Variants in CDC7 observed in about 807,000 individuals in gnomAD.
CDC7 encodes cell division cycle 7-related protein kinase.
In CDC7, 34 loss-of-function variants were observed where a neutral mutation model predicts 53.5. That is an observed-to-expected ratio of 0.64 (90% CI 0.48 to 0.85). The LOEUF is 0.85. Ranked by LOEUF, CDC7 falls within the 40% of genes least tolerant of loss-of-function variation. The probability of loss-of-function intolerance (pLI) is 0.00; values close to 1 mark genes in which losing one functional copy is unlikely to be tolerated. For missense variants in CDC7, 594 were observed against 679.7 expected, an observed-to-expected ratio of 0.87 and a Z score of 1.40; for synonymous variants, 211 against 222.8, an observed-to-expected ratio of 0.95 and a Z score of 0.47.
intron 2 of CDC7, among the ~76,000 whole-genome samples, chr1:91,507,293 T>G (rs1270677120): frequency 1.3e-5 from 2 of 152,212 alleles, no homozygotes; most frequent in Non-Finnish European, 2.9e-5. Flanking sequence ...GAACTGATAC[T>G]TATTTAAAAG....
At chr1:91,506,584 G>A (rs1011328037) in intron 2 of CDC7, among the ~76,000 whole-genome samples, 6 of 152,222 alleles carry the variant, frequency 3.9e-5, no homozygotes, top group African/African-American at 1.2e-4. Flanking sequence ...AGCTCTTAGT[G>A]GCTGCATCAA....
chr1:91,513,291 A>G lies in CDC7; in HGVS notation c.806A>G (p.Gln269Arg). 6.2e-7 allele frequency: 1 copy of G among 1,613,098 alleles called. No homozygotes were observed. The highest frequency in any genetic ancestry group is 1.7e-5 in the Admixed American group (1 of 59,910). ...PYTNAQIQIKQGKDGKEGSVG... is the reference protein window; with the variant it reads ...PYTNAQIQIKRGKDGKEGSVG... Reference sequence around the variant, plus strand: ...ACAAATGCACAAATTCAGATTAAACAAGGAAAAGACGGAAAGGTTCTATCT... The same window carrying G: ...ACAAATGCACAAATTCAGATTAAACGAGGAAAAGACGGAAAGGTTCTATCT... The change falls in exon 7 of 12, where the codon CAA (glutamine) becomes CGA (arginine). Residue 269 changes from glutamine (Q) to arginine (R), a missense_variant. Coordinates refer to ENST00000234626, the MANE Select transcript of CDC7 (RefSeq NM_003503.4).
chr1:91,512,742 A>G (rs1557593211), intron 6 of CDC7, among the ~76,000 whole-genome samples: 1 of 152,108 alleles, frequency 6.6e-6, no homozygotes, highest in Non-Finnish European at 1.5e-5. Context: ...ATTATCTGCT[A>G]TGATGCCATC....
intron 3 of CDC7, 68 bp downstream of exon 3, chr1:91,508,005 C>A: frequency 1.5e-6 from 2 of 1,298,698 alleles, no homozygotes; most frequent in Non-Finnish European, 2.1e-6. Context: ...CTTTTTTAGT[C>A]TTGGTTTTCA....
At chr1:91,509,371 C>CAA (rs200506949) in intron 4 of CDC7, among the ~76,000 whole-genome samples, 8 of 103,438 alleles carry the variant, frequency 7.7e-5, no homozygotes, top group African/African-American at 1.0e-4. Flanking sequence ...CTTAACATAC[C>CAA]AAAAAAAAAA....
intron 2 of CDC7, among the ~76,000 whole-genome samples, chr1:91,506,603 G>T (rs911904082): frequency 2.6e-5 from 4 of 151,810 alleles, no homozygotes; most frequent in Admixed American, 6.6e-5. Flanking sequence ...AAATTTATTG[G>T]TTTTTTTTAC....
chr1:91,510,431 T>A (rs1236815896), intron 4 of CDC7, among the ~76,000 whole-genome samples: 1 of 152,194 alleles, frequency 6.6e-6, no homozygotes, highest in Non-Finnish European at 1.5e-5. Context: ...TATTCACTAT[T>A]GCATCACTAA....
chr1:91,515,911 A>G (rs1667534566), intron 10 of CDC7, 35 bp downstream of exon 10: 1 of 1,491,278 alleles, frequency 6.7e-7, no homozygotes, highest in Non-Finnish European at 9.4e-7. Flanking sequence ...CCTAGTTAAA[A>G]TGGATTGTTC....
chr1:91,519,383 T>C (rs1667787861), intron 10 of CDC7, among the ~76,000 whole-genome samples: 1 of 151,918 alleles, frequency 6.6e-6, no homozygotes, highest in African/African-American at 2.4e-5. Flanking sequence ...GAGCTGAGAC[T>C]GTGCCACTGC....
chr1:91,520,453 A>G (rs531513254), intron 11 of CDC7, among the ~76,000 whole-genome samples, 174 bp downstream of exon 11: 38 of 152,186 alleles, frequency 2.5e-4, no homozygotes, highest in Non-Finnish European at 4.6e-4. Flanking sequence ...TCACCTCTCT[A>G]TACATATAAT....
In CDC7 at chr1:91,524,231, A is replaced by G. The variant is rs1481521661; in HGVS notation, c.1521A>G (p.Gln507=). 1 of 1,613,976 alleles carries G rather than the reference A, an allele frequency of 6.2e-7. No individual in the cohort carries two copies. The highest frequency in any genetic ancestry group is 8.5e-7 in the Non-Finnish European group (1 of 1,179,890). Residue 507 remains glutamine (Q), a synonymous_variant, in exon 12 of 12, where the codon CAA becomes CAG. Coordinates refer to ENST00000234626, the MANE Select transcript of CDC7 (RefSeq NM_003503.4). ...GCCTCGTTCAAACACCTCCAGGACA[A>G]TACTCAGGGAATTCATTTAAAAAGG... ...ASCLVQTPPG[Q]YSGNSFKKGD... is the part of the protein sequence containing the mutation.
intron 2 of CDC7, among the ~76,000 whole-genome samples, chr1:91,504,888 C>A (rs1205964871): frequency 6.6e-6 from 1 of 151,990 alleles, no homozygotes; most frequent in African/African-American, 2.4e-5. Flanking sequence ...TTTTTAGGTG[C>A]TAGGGATAAA....
Position 91,514,923 on chromosome 1 carries a change from T to C in CDC7, c.1023T>C (p.Thr341=). Reference sequence around the variant, plus strand: ...TGAATAGTGCTGTGATGAGGAAAACTGCCAGTTCTTGCCCAGCTAGCCTGA... The same window carrying C: ...TGAATAGTGCTGTGATGAGGAAAACCGCCAGTTCTTGCCCAGCTAGCCTGA... The part of the protein sequence containing the change: ...KVMNSAVMRK[T]ASSCPASLTC... The change falls in exon 9 of 12, where the codon ACT becomes ACC. Residue 341 remains threonine, a synonymous_variant. Coordinates refer to ENST00000234626, the MANE Select transcript of CDC7 (RefSeq NM_003503.4). The C allele has an allele frequency of 1.9e-6, 3 of 1,613,904 alleles. No homozygotes were observed. Among genetic ancestry groups the C allele is most frequent in the Non-Finnish European group, 2.5e-6 (3 of 1,179,838 alleles).
intron 11 of CDC7, among the ~76,000 whole-genome samples, chr1:91,522,218 T>A (rs574697474): frequency 2.6e-5 from 4 of 152,314 alleles, no homozygotes; most frequent in African/African-American, 9.6e-5. Context: ...TGTATTAGTA[T>A]GACATCTGTA....
In CDC7 at chr1:91,514,985, T is replaced by G; in HGVS notation, c.1085T>G (p.Ile362Ser). The change falls in exon 9 of 12, where the codon ATT becomes AGT. Residue 362 changes from isoleucine (I) to serine (S), a missense_variant. Transcript: ENST00000234626. The part of the protein sequence containing the change: ...DCYATDKVCS[I>S]CLSRRQQVAP... ...TATGCAACAGATAAAGTTTGTAGTA[T>G]TTGCCTTTCAAGGTAATGTGTTTTG... The G allele has an allele frequency of 6.2e-7, 1 of 1,608,138 alleles. No homozygotes were observed. Among genetic ancestry groups the G allele is most frequent in the Non-Finnish European group, 8.5e-7 (1 of 1,178,342 alleles).
intron 10 of CDC7, among the ~76,000 whole-genome samples, chr1:91,519,254 TACA>T (rs1667774051): frequency 1.8e-4 from 1 of 5,548 alleles, no homozygotes; most frequent in African/African-American, 6.1e-4. Flanking sequence ...CTACTAAAAA[TACA>T]AAAAAAAAAA....
intron 2 of CDC7, among the ~76,000 whole-genome samples, chr1:91,504,337 C>T (rs1255246259): frequency 1.3e-5 from 2 of 152,034 alleles, no homozygotes; most frequent in Admixed American, 1.3e-4. Flanking sequence ...AAACTCCTGG[C>T]CTCAAGTGAT....
chr1:91,513,808 G>C (rs938997825), intron 7 of CDC7, 140 bp from the exon 8 acceptor site: 2 of 580,086 alleles, frequency 3.4e-6, no homozygotes, highest in African/African-American at 3.8e-5. Flanking sequence ...TCACAGAAGT[G>C]GTTTGGTGCC....
intron 2 of CDC7, among the ~76,000 whole-genome samples, chr1:91,504,175 C>T: frequency 6.6e-6 from 1 of 150,740 alleles, no homozygotes; most frequent in Admixed American, 6.6e-5. Context: ...GGTGCAATTA[C>T]AGCTCACTGC....
Sources: gnomAD v4.1 joint callset for allele counts (sites outside exome capture counted in the v4.1 genomes callset) on GRCh38, gnomAD v4.1.1 for gene constraint, MANE v1.5 for transcripts, NCBI Gene and HGNC (gene_info 2026-07-23, HGNC 2026-07-21) for gene names.